FHIP1A: variants seen among roughly 807,000 people sequenced by gnomAD.
FHIP1A encodes the protein FHF complex subunit HOOK interacting protein 1A, also known as FHF complex subunit HOOK-interacting protein 1A.
In FHIP1A, 61 loss-of-function variants were observed where a neutral mutation model predicts 88.6. The ratio of observed to expected loss-of-function variants is 0.69; its 90% CI spans 0.56 to 0.85. The LOEUF (loss-of-function observed/expected upper bound fraction) is 0.85, where lower values mean the gene tolerates loss of function less well. Ranked by LOEUF, FHIP1A falls within the 40% of genes least tolerant of loss-of-function variation. The pLI, the probability that FHIP1A is intolerant of heterozygous loss-of-function variation, is 0.00. For missense variants in FHIP1A, 1,154 were observed against 1,273.5 expected (o/e 0.91, Z 1.43); for synonymous variants, 478 against 496.0 (o/e 0.96, Z 0.48).
intron 1 of FHIP1A, among the ~76,000 whole-genome samples, chr4:151,446,447 CTTCCTTTCCT>C (rs201047565): frequency 0.037 from 5,503 of 147,912 alleles, 132 homozygotes; most frequent in Middle Eastern, 0.083. Context: ...GGATTTCTTT[CTTCCTTTCCT>C]TTCCTTTCCT....
At position 151,650,303 on chromosome 4, in the gene FHIP1A, G is replaced by T. The variant is rs1736977534; in HGVS notation, c.2262G>T (p.Gln754His). ...AHPESEELIAQYDQIIKELDS... is the reference protein window; with the variant it reads ...AHPESEELIAHYDQIIKELDS... ...CGGAGAGCGAGGAGCTCATTGCCCAGTATGACCAAATCATTAAAGAGCTGG... is the reference window on the plus strand; with the variant it reads ...CGGAGAGCGAGGAGCTCATTGCCCATTATGACCAAATCATTAAAGAGCTGG... The change falls in exon 11 of 14, where the codon CAG becomes CAT. Residue 754 changes from glutamine (Q) to histidine (H), a missense_variant. Physicochemically the swap from Gln to His is conservative, Grantham distance 24. Coordinates refer to ENST00000435205, the MANE Select transcript of FHIP1A (RefSeq NM_001109977.3). 1 of 1,551,720 alleles carries T rather than the reference G, an allele frequency of 6.4e-7. No individual in the cohort carries two copies. The highest frequency in any genetic ancestry group is 8.7e-7 in the Non-Finnish European group (1 of 1,146,992).
intron 1 of FHIP1A, among the ~76,000 whole-genome samples, chr4:151,423,727 G>A (rs748974780): frequency 4.6e-5 from 7 of 152,192 alleles, no homozygotes; most frequent in Non-Finnish European, 8.8e-5. Flanking sequence ...TAGGGACTGT[G>A]GGGGAGGTTC....
At chr4:151,555,429 C>G (rs940300018) in intron 3 of FHIP1A, among the ~76,000 whole-genome samples, 2 of 152,068 alleles carry the variant, frequency 1.3e-5, no homozygotes, top group African/African-American at 4.8e-5. Flanking sequence ...ACTATGCCCC[C>G]ACTTACACAA....
intron 1 of FHIP1A, among the ~76,000 whole-genome samples, chr4:151,450,055 T>C (rs1246604258): frequency 6.6e-6 from 1 of 152,184 alleles, no homozygotes; most frequent in African/African-American, 2.4e-5. Context: ...TGTACTTTGA[T>C]GGTGTTGACA....
At chr4:151,431,207 C>T (rs1311723314) in intron 1 of FHIP1A, among the ~76,000 whole-genome samples, 1 of 151,946 alleles carries the variant, frequency 6.6e-6, no homozygotes, top group Non-Finnish European at 1.5e-5. Context: ...TGTTTTCTGC[C>T]CATCTGTGTG....
chr4:151,443,697 G>A (rs1728492989), intron 1 of FHIP1A, among the ~76,000 whole-genome samples: 1 of 149,550 alleles, frequency 6.7e-6, no homozygotes, highest in South Asian at 2.1e-4. Context: ...GTGTGTGTGT[G>A]TGTGTGTGTG....
At chr4:151,558,334 G>A (rs1310207328) in intron 3 of FHIP1A, among the ~76,000 whole-genome samples, 1 of 152,014 alleles carries the variant, frequency 6.6e-6, no homozygotes, top group Non-Finnish European at 1.5e-5. Flanking sequence ...TTAGGAGTTC[G>A]AGACCAGCTT....
chr4:151,653,999 C>G lies in FHIP1A; in HGVS notation c.2552-2233C>G, dbSNP rs577028429. On this transcript the variant is annotated intron_variant, in intron 11 of 13. Coordinates refer to ENST00000435205, the MANE Select transcript of FHIP1A (RefSeq NM_001109977.3). ...TGCTGTCCTCCAGAAACACCTGCGGCTTCCTGAATTGTGCTGAGCCTTTTG... is the reference window on the plus strand; with the variant it reads ...TGCTGTCCTCCAGAAACACCTGCGGGTTCCTGAATTGTGCTGAGCCTTTTG... Among the ~76,000 whole-genome samples, 6 of 151,862 alleles carry G rather than the reference C, an allele frequency of 4.0e-5. No homozygotes were observed. In the South Asian group the frequency reaches 1.3e-3, roughly 32 times the overall value.
chr4:151,575,998 G>C (rs911802624), intron 4 of FHIP1A, among the ~76,000 whole-genome samples: 2 of 152,148 alleles, frequency 1.3e-5, no homozygotes, highest in African/African-American at 4.8e-5. Flanking sequence ...TAAAGTCATT[G>C]ATAAATGTTT....
chr4:151,530,485 CT>C (rs1324914830), intron 3 of FHIP1A, among the ~76,000 whole-genome samples: 1 of 152,190 alleles, frequency 6.6e-6, no homozygotes, highest in Non-Finnish European at 1.5e-5. Context: ...TTTGCCATTT[CT>C]TTTTGTTCAA....
At chr4:151,454,159 T>C (rs977157179) in intron 1 of FHIP1A, among the ~76,000 whole-genome samples, 1 of 108,468 alleles carries the variant, frequency 9.2e-6, no homozygotes, top group Non-Finnish European at 2.1e-5. Flanking sequence ...GATTTTATTA[T>C]GGAAAAGTGT....
chr4:151,569,880 G>A (rs1013215446), intron 4 of FHIP1A, among the ~76,000 whole-genome samples: 8 of 152,098 alleles, frequency 5.3e-5, no homozygotes, highest in Non-Finnish European at 1.2e-4. Context: ...ACTGCTTCTG[G>A]GTCCAGTGAT....
Position 151,666,124 on chromosome 4 carries a change from A to AT in FHIP1A, c.*3376dup, listed in dbSNP as rs1228866234. 6.6e-6 allele frequency among the ~76,000 whole-genome samples: 1 copy of AT among 152,230 alleles called. No individual in the cohort carries two copies. Among genetic ancestry groups the AT allele is most frequent in the Non-Finnish European group, 1.5e-5 (1 of 68,046 alleles). On this transcript the variant is annotated 3_prime_UTR_variant, in exon 14 of 14. Transcript: ENST00000435205. ...GAGAGCACTGGGATATTTAAAATTG[A>AT]TTTTTTGGAAATGGCCAAGTAAATG...
chr4:151,548,082 C>G (rs1732576305), intron 3 of FHIP1A, among the ~76,000 whole-genome samples: 1 of 152,084 alleles, frequency 6.6e-6, no homozygotes, highest in Admixed American at 6.6e-5. Flanking sequence ...TACATGGCTA[C>G]TAAGTGATAT....
chr4:151,505,918 T>C (rs543136079), intron 3 of FHIP1A, among the ~76,000 whole-genome samples: 1 of 152,230 alleles, frequency 6.6e-6, no homozygotes, highest in South Asian at 2.1e-4. Context: ...TTGTGGGAAA[T>C]TGGATAAAGG....
At chr4:151,648,058 G>T (rs1291758996) in intron 10 of FHIP1A, among the ~76,000 whole-genome samples, 2 of 152,174 alleles carry the variant, frequency 1.3e-5, no homozygotes, top group Non-Finnish European at 2.9e-5. Flanking sequence ...GCAGATAAAT[G>T]CCCTAATGGA....
chr4:151,571,109 T>C (rs1185415266), intron 4 of FHIP1A, among the ~76,000 whole-genome samples: 1 of 152,228 alleles, frequency 6.6e-6, no homozygotes, highest in Non-Finnish European at 1.5e-5. Context: ...TTATTTTTGA[T>C]GGCACAATTG....
At chr4:151,646,852 C>T in intron 10 of FHIP1A, 104 bp downstream of exon 10, 1 of 733,554 alleles carries the variant, frequency 1.4e-6, no homozygotes, top group South Asian at 1.9e-5. Flanking sequence ...TGGTGGGTCC[C>T]ATTTCTCTTA....
At chr4:151,554,038 G>A (rs1222114564) in intron 3 of FHIP1A, among the ~76,000 whole-genome samples, 1 of 152,090 alleles carries the variant, frequency 6.6e-6, no homozygotes, top group Non-Finnish European at 1.5e-5. Flanking sequence ...GATCACAGCT[G>A]CCCATTGACT....
Sources: gnomAD v4.1 joint callset for allele counts (sites outside exome capture counted in the v4.1 genomes callset) on GRCh38, gnomAD v4.1.1 for gene constraint, MANE v1.5 for transcripts, NCBI Gene and HGNC (gene_info 2026-07-23, HGNC 2026-07-21) for gene names.